RAD51B: variants seen among roughly 807,000 people sequenced by gnomAD.
RAD51B encodes the protein RAD51 paralog B.
Under a neutral mutation model 42.2 loss-of-function variants are expected in RAD51B, and 38 were observed. The ratio of observed to expected loss-of-function variants is 0.90; its 90% CI spans 0.70 to 1.18. The LOEUF (loss-of-function observed/expected upper bound fraction) is 1.18, where lower values mean the gene tolerates loss of function less well. Ranked by LOEUF, RAD51B falls within the 50% of genes most tolerant of loss-of-function variation. The pLI is 0.00. For synonymous variants in RAD51B, 154 were observed against 145.2 expected, an observed-to-expected ratio of 1.06 and a Z score of -0.43; for missense variants, 373 against 400.7, an observed-to-expected ratio of 0.93 and a Z score of 0.59.
intron 8 of RAD51B, among the ~76,000 whole-genome samples, chr14:68,373,760 G>A (rs2083307814): frequency 6.6e-6 from 1 of 152,080 alleles, no homozygotes; most frequent in Non-Finnish European, 1.5e-5. Flanking sequence ...CATTCTACAC[G>A]TGTATCCCAT....
intron 7 of RAD51B, among the ~76,000 whole-genome samples, chr14:68,061,329 A>G (rs934850688): frequency 3.3e-5 from 5 of 152,116 alleles, no homozygotes; most frequent in African/African-American, 1.2e-4. Flanking sequence ...TTGGCCTCCC[A>G]AAGTGCTGTG....
Position 68,039,158 on chromosome 14 carries a change from C to T in RAD51B, c.756+151954C>T, listed in dbSNP as rs188131986. 5.1e-4 allele frequency among the ~76,000 whole-genome samples: 78 copies of T among 152,168 alleles called. 1 individual carries two copies. In the East Asian group the frequency reaches 0.012, roughly 23 times the overall value. Reference sequence around the variant, plus strand: ...AAAGTGTGTTATATCTGGCCGGGTGCGGTGGCTCATGCTGTAATCCCAGCA... The same window carrying T: ...AAAGTGTGTTATATCTGGCCGGGTGTGGTGGCTCATGCTGTAATCCCAGCA... On this transcript the variant is annotated intron_variant, in intron 7 of 10. Transcript: ENST00000471583.
chr14:67,858,499 A>T (rs2042066560), intron 4 of RAD51B, among the ~76,000 whole-genome samples: 1 of 152,218 alleles, frequency 6.6e-6, no homozygotes, highest in South Asian at 2.1e-4. Context: ...TTATAGGTAC[A>T]GAATGGGGAG....
At chr14:68,613,661 A>C (rs28690801), downstream of RAD51B, among the ~76,000 whole-genome samples, 1 of 151,800 alleles carries the variant, frequency 6.6e-6, no homozygotes, top group Non-Finnish European at 1.5e-5. Flanking sequence ...TCACCGTGTT[A>C]GCCAGGATGG....
chr14:67,872,905 G>C (rs1320032220), intron 5 of RAD51B, among the ~76,000 whole-genome samples: 1 of 152,134 alleles, frequency 6.6e-6, no homozygotes, highest in Admixed American at 6.5e-5. Context: ...GCTGAAACTG[G>C]ATGCCTTCCT....
At chr14:67,941,305 G>A (rs1378849406) in intron 7 of RAD51B, among the ~76,000 whole-genome samples, 2 of 152,132 alleles carry the variant, frequency 1.3e-5, no homozygotes, top group Non-Finnish European at 2.9e-5. Context: ...TTTCAATTGT[G>A]TGTGGTTCAC....
chr14:68,361,055 G>A (rs2083014258), intron 8 of RAD51B, among the ~76,000 whole-genome samples: 3 of 152,162 alleles, frequency 2.0e-5, no homozygotes, highest in Non-Finnish European at 4.4e-5. Flanking sequence ...GGAGAGAGGG[G>A]TTCTAGATTC....
At chr14:68,086,170 G>A (rs563932929) in intron 7 of RAD51B, among the ~76,000 whole-genome samples, 4 of 152,328 alleles carry the variant, frequency 2.6e-5, no homozygotes, top group African/African-American at 7.2e-5. Context: ...AGCCAGAAGG[G>A]GAATGGAGTG....
chr14:68,354,315 CA>C lies in RAD51B; in HGVS notation c.854-57107del, dbSNP rs558279019. The stretch of plus-strand genomic sequence containing the variant: ...CACGGCAACCTTCACCTCCCAGGTT[CA>C]AGCGATTTTCCTGCCTCAGCCTCCA... On this transcript the variant is annotated intron_variant, in intron 8 of 10. Coordinates refer to ENST00000471583, the MANE Select transcript of RAD51B (RefSeq NM_133510.4). Among the ~76,000 whole-genome samples, 338 of 145,746 alleles carry C rather than the reference CA, an allele frequency of 2.3e-3. 1 individual carries two copies. Among genetic ancestry groups the C allele is most frequent in the African/African-American group, 8.4e-3 (324 of 38,746 alleles).
intron 10 of RAD51B, among the ~76,000 whole-genome samples, chr14:68,578,271 C>T (rs1054214093): frequency 6.6e-6 from 1 of 152,034 alleles, no homozygotes; most frequent in Non-Finnish European, 1.5e-5. Context: ...ATTGGCTGGG[C>T]GTGGTGGCAT....
At chr14:68,264,582 T>G (rs772877964) in intron 7 of RAD51B, among the ~76,000 whole-genome samples, 1 of 152,196 alleles carries the variant, frequency 6.6e-6, no homozygotes, top group Non-Finnish European at 1.5e-5. Flanking sequence ...GGTATTTAGT[T>G]TTTTAGAGGC....
At chr14:68,431,408 A>G (rs1196726246) in intron 9 of RAD51B, among the ~76,000 whole-genome samples, 1 of 152,136 alleles carries the variant, frequency 6.6e-6, no homozygotes, top group Non-Finnish European at 1.5e-5. Flanking sequence ...GTAGGCTATT[A>G]ATTGTTGCCT....
intron 7 of RAD51B, among the ~76,000 whole-genome samples, chr14:68,217,232 T>G (rs893792137): frequency 2.0e-5 from 3 of 152,210 alleles, no homozygotes. Flanking sequence ...TCCTCTTTCT[T>G]GTTCCCCACT....
chr14:68,208,437 A>G (rs540378130), intron 7 of RAD51B, among the ~76,000 whole-genome samples: 1 of 152,314 alleles, frequency 6.6e-6, no homozygotes, highest in East Asian at 1.9e-4. Flanking sequence ...TTGAAAGCCA[A>G]GATATTCTCA....
At chr14:68,464,533 C>A (rs1733157237) in intron 9 of RAD51B, among the ~76,000 whole-genome samples, 1 of 152,226 alleles carries the variant, frequency 6.6e-6, no homozygotes, top group Non-Finnish European at 1.5e-5. Flanking sequence ...CATCAGCAAT[C>A]TTATTCAAGT....
At chr14:68,319,781 T>C (rs920104609) in intron 8 of RAD51B, among the ~76,000 whole-genome samples, 2 of 152,200 alleles carry the variant, frequency 1.3e-5, no homozygotes, top group African/African-American at 4.8e-5. Context: ...AATGTCTATC[T>C]AGCCTAGAGA....
chr14:68,673,010 T>C (rs888158154), intron 11 of RAD51B, among the ~76,000 whole-genome samples: 2 of 152,224 alleles, frequency 1.3e-5, no homozygotes, highest in East Asian at 3.8e-4. Flanking sequence ...ACTCTAGATG[T>C]TCATCCACAG....
intron 8 of RAD51B, among the ~76,000 whole-genome samples, chr14:68,313,508 C>T (rs1233894812): frequency 1.3e-5 from 2 of 152,180 alleles, no homozygotes; most frequent in Admixed American, 6.5e-5. Flanking sequence ...GATGGCTTCC[C>T]TTTAGTTCCG....
intron 7 of RAD51B, among the ~76,000 whole-genome samples, chr14:68,170,081 C>A (rs2078839099): frequency 6.6e-6 from 1 of 152,142 alleles, no homozygotes; most frequent in South Asian, 2.1e-4. Flanking sequence ...TTTCTGACTT[C>A]TCCATTAGGG....
Sources: gnomAD v4.1 joint callset for allele counts (sites outside exome capture counted in the v4.1 genomes callset) on GRCh38, gnomAD v4.1.1 for gene constraint, MANE v1.5 for transcripts, NCBI Gene and HGNC (gene_info 2026-07-23, HGNC 2026-07-21) for gene names.